The following RNF34 variants were observed in gnomAD, a reference collection of about 807,000 sequenced individuals.
RNF34 encodes the protein ring finger protein 34, also known as E3 ubiquitin-protein ligase RNF34.
A neutral mutation model predicts 37.9 loss-of-function variants in RNF34; 12 were observed. The ratio of observed to expected loss-of-function variants is 0.32; its 90% CI spans 0.20 to 0.51. RNF34 has a LOEUF of 0.51. Ranked by LOEUF, RNF34 falls within the 20% of genes least tolerant of loss-of-function variation. The pLI, the probability that RNF34 is intolerant of heterozygous loss-of-function variation, is 0.97. For synonymous variants in RNF34, 155 were observed against 177.2 expected, an observed-to-expected ratio of 0.87 and a Z score of 1.00; for missense variants, 362 against 472.7, an observed-to-expected ratio of 0.77 and a Z score of 2.17.
intron 1 of RNF34, among the ~76,000 whole-genome samples, chr12:121,406,920 T>A (rs1480808934): frequency 1.3e-5 from 2 of 152,180 alleles, no homozygotes; most frequent in Non-Finnish European, 2.9e-5. Flanking sequence ...TTTAAAAATA[T>A]AATTTCAACT....
At chr12:121,415,840 CTTT>C (rs782608817) in intron 1 of RNF34, among the ~76,000 whole-genome samples, 23 of 108,062 alleles carry the variant, frequency 2.1e-4, no homozygotes, top group Admixed American at 3.1e-4. Flanking sequence ...TTTGTCCAGT[CTTT>C]TTTTTTTTTT....
chr12:121,402,500 A>G (rs555771925), intron 1 of RNF34, among the ~76,000 whole-genome samples: 1 of 152,182 alleles, frequency 6.6e-6, no homozygotes, highest in South Asian at 2.1e-4. Flanking sequence ...CTTACCTCTC[A>G]GACTCAAGTA....
chr12:121,415,365 A>C (rs1239929335), intron 1 of RNF34: 2 of 324,770 alleles, frequency 6.2e-6, no homozygotes, highest in Non-Finnish European at 1.3e-5. Context: ...TCACACTTGT[A>C]ATCTGAGCAC....
At chr12:121,415,840 C>CTCT (rs1871514178) in intron 1 of RNF34, among the ~76,000 whole-genome samples, 1 of 108,096 alleles carries the variant, frequency 9.3e-6, no homozygotes, top group African/African-American at 3.6e-5. Flanking sequence ...TTTGTCCAGT[C>CTCT]TTTTTTTTTT....
chr12:121,411,242 T>A (rs1871027544), intron 1 of RNF34, among the ~76,000 whole-genome samples: 1 of 152,202 alleles, frequency 6.6e-6, no homozygotes, highest in South Asian at 2.1e-4. Context: ...TTTAATTTTT[T>A]ATTTTATAAT....
At chr12:121,400,568 C>A (rs782197100) in intron 1 of RNF34, among the ~76,000 whole-genome samples, 2 of 152,332 alleles carry the variant, frequency 1.3e-5, no homozygotes, top group Non-Finnish European at 2.9e-5. Flanking sequence ...GGTCCCTTGG[C>A]GCGCGGCGTG....
intron 1 of RNF34, among the ~76,000 whole-genome samples, chr12:121,406,218 A>T (rs1478810564): frequency 6.6e-6 from 1 of 152,150 alleles, no homozygotes; most frequent in African/African-American, 2.4e-5. Flanking sequence ...TGACATGAGG[A>T]TATCTAGGTG....
At chr12:121,402,646 TTG>T in intron 1 of RNF34, 2 of 673,378 alleles carry the variant, frequency 3.0e-6, no homozygotes, top group Non-Finnish European at 5.0e-6. Context: ...TCACCATTAA[TTG>T]TGCTAATCTG....
intron 1 of RNF34, among the ~76,000 whole-genome samples, chr12:121,408,936 T>C (rs1297148431): frequency 6.6e-6 from 1 of 151,768 alleles, no homozygotes. Context: ...AGGAAAGGGA[T>C]TCATTGAAGA....
chr12:121,418,679 CTG>C (rs540380066), intron 3 of RNF34: 12 of 152,208 alleles, frequency 7.9e-5, no homozygotes, highest in African/African-American at 2.9e-4. Context: ...ATGATTGCAA[CTG>C]TGAATAGCCA....
intron 3 of RNF34, 161 bp downstream of exon 3, chr12:121,418,072 T>C: frequency 2.6e-6 from 2 of 766,022 alleles, no homozygotes; most frequent in Non-Finnish European, 2.1e-6. Flanking sequence ...GCTGTCCTGA[T>C]GTATAGTGTC....
intron 1 of RNF34, among the ~76,000 whole-genome samples, chr12:121,414,530 A>G (rs1871379829): frequency 6.6e-6 from 1 of 152,218 alleles, no homozygotes. Flanking sequence ...AAAACCATAG[A>G]AAGCAATACA....
intron 1 of RNF34, 65 bp from the exon 2 acceptor site, chr12:121,416,094 C>A: frequency 7.4e-7 from 1 of 1,346,030 alleles, no homozygotes; most frequent in Non-Finnish European, 1.1e-6. Flanking sequence ...ATAGCATTCC[C>A]TGAGGATCCC....
chr12:121,416,549 C>T (rs1025055564), intron 2 of RNF34, 172 bp downstream of exon 2: 49 of 575,178 alleles, frequency 8.5e-5, no homozygotes, highest in Middle Eastern at 4.6e-4. Flanking sequence ...TATATTACTG[C>T]TCAAGTTTTA....
rs544786415 is a variant in RNF34, at chr12:121,403,303, G to A, written c.6+3085G>A. On this transcript the variant is annotated intron_variant, in intron 1 of 5. Coordinates refer to ENST00000361234, the MANE Select transcript of RNF34 (RefSeq NM_025126.4). Reference sequence around the variant, plus strand: ...CCCAGCTACTCTGGAGGCTGAGGCAGGAGAATGGCGTGAACCCGGGAGGCA... The same window carrying A: ...CCCAGCTACTCTGGAGGCTGAGGCAAGAGAATGGCGTGAACCCGGGAGGCA... 5.3e-5 allele frequency among the ~76,000 whole-genome samples: 8 copies of A among 151,984 alleles called. No homozygotes were observed. In the South Asian group the frequency reaches 1.5e-3, roughly 28 times the overall value.
chr12:121,400,147 A>C lies in RNF34; in HGVS notation c.-66A>C. The C allele has an allele frequency of 6.3e-7, 1 of 1,576,618 alleles. No individual in the cohort carries two copies. Among genetic ancestry groups the C allele is most frequent in the East Asian group, 2.3e-5 (1 of 43,014 alleles). ...ACCGCCCAGAGGGAAGGAGGTCGGC[A>C]GTGTGAGGAGCTGCTATGGTGCTGA... On this transcript the variant is annotated 5_prime_UTR_variant, in exon 1 of 6. Transcript: ENST00000361234.
At chr12:121,418,157 G>C in intron 3 of RNF34, 1 of 502,382 alleles carries the variant, frequency 2.0e-6, no homozygotes, top group Non-Finnish European at 3.6e-6. Flanking sequence ...CTTGGCCTTA[G>C]TTAATTTCTC....
At chr12:121,416,988 C>G (rs189546046) in intron 2 of RNF34, among the ~76,000 whole-genome samples, 60 of 152,334 alleles carry the variant, frequency 3.9e-4, no homozygotes, top group African/African-American at 1.2e-3. Flanking sequence ...TTAAGCTTCT[C>G]TAGTGGCAAG....
chr12:121,410,299 G>A (rs1870929955), intron 1 of RNF34, among the ~76,000 whole-genome samples: 1 of 152,142 alleles, frequency 6.6e-6, no homozygotes, highest in Non-Finnish European at 1.5e-5. Context: ...AGCTCTTTGG[G>A]AGGCTGAGGC....
Sources: gnomAD v4.1 joint callset for allele counts (sites outside exome capture counted in the v4.1 genomes callset) on GRCh38, gnomAD v4.1.1 for gene constraint, MANE v1.5 for transcripts, NCBI Gene and HGNC (gene_info 2026-07-23, HGNC 2026-07-21) for gene names.